Variants in DRICH1 observed in about 807,000 individuals in gnomAD.
DRICH1 encodes aspartate rich 1.
In DRICH1, 38 loss-of-function variants were observed where a neutral mutation model predicts 39.5. The ratio of observed to expected loss-of-function variants is 0.96; its 90% CI spans 0.74 to 1.26. The LOEUF is 1.26. Among genes scored for constraint, DRICH1 ranks in the 50% most tolerant of loss-of-function variants. The pLI, the probability that DRICH1 is intolerant of heterozygous loss-of-function variation, is 0.00. For synonymous variants in DRICH1, 84 were observed against 99.5 expected (o/e 0.84, Z 0.93); for missense variants, 279 against 270.4 (o/e 1.03, Z -0.22).
intron 7 of DRICH1, among the ~76,000 whole-genome samples, chr22:23,617,242 T>C (rs755315423): frequency 1.3e-5 from 2 of 152,168 alleles, no homozygotes; most frequent in Non-Finnish European, 2.9e-5. Flanking sequence ...ACAAAGAGAA[T>C]TGTGTATGTT....
intron 6 of DRICH1, among the ~76,000 whole-genome samples, chr22:23,618,944 T>TG (rs1449007913): frequency 6.6e-6 from 1 of 151,444 alleles, no homozygotes; most frequent in Non-Finnish European, 1.5e-5. Flanking sequence ...GAGGCCGAGG[T>TG]GGGGGGATCA....
chr22:23,601,144 G>GCA, the DRICH1 span, among the ~76,000 whole-genome samples: 982 of 139,662 alleles, frequency 7.0e-3, 8 homozygotes, highest in African/African-American at 0.026. Flanking sequence ...TAACGCACGC[G>GCA]CGCACACACA....
chr22:23,584,947 G>C, the DRICH1 span, among the ~76,000 whole-genome samples: 1 of 151,824 alleles, frequency 6.6e-6, no homozygotes, highest in South Asian at 2.1e-4. Context: ...TAAGTTACCA[G>C]TTTCCCTCTA....
chr22:23,622,169 A>T lies in DRICH1; in HGVS notation c.306T>A (p.Ser102=), dbSNP rs1927781785. 1.2e-6 allele frequency: 2 copies of T among 1,613,950 alleles called. No individual in the cohort carries two copies. The highest frequency in any genetic ancestry group is 2.2e-5 in the South Asian group (2 of 91,092). Residue 102 remains serine, a synonymous_variant, in exon 4 of 12, where the codon TCT becomes TCA. Transcript: ENST00000317749. ...GGCATACTAAACTCAGGTTGTCCTC[A>T]GAAGAACCTGGAAGGACACAGAGGA... The part of the protein sequence containing the change: ...KILPSPVQGS[S]EDNLSLVCLP...
the DRICH1 span, among the ~76,000 whole-genome samples, chr22:23,588,212 C>T: frequency 6.6e-6 from 1 of 152,166 alleles, no homozygotes; most frequent in South Asian, 2.1e-4. Flanking sequence ...CTGCAACCTC[C>T]GCCTCCCAGG....
At chr22:23,616,115 A>G (rs901898922) in intron 8 of DRICH1, among the ~76,000 whole-genome samples, 1 of 152,168 alleles carries the variant, frequency 6.6e-6, no homozygotes, top group Non-Finnish European at 1.5e-5. Flanking sequence ...AGACAAATGA[A>G]TGTGCTGCCA....
At position 23,617,581 on chromosome 22, in the gene DRICH1, A is replaced by T. The variant is rs766462310; in HGVS notation, c.513T>A (p.Asp171Glu). The T allele has an allele frequency of 6.3e-7, 1 of 1,578,204 alleles. No homozygotes were observed. The highest frequency in any genetic ancestry group is 8.7e-7 in the Non-Finnish European group (1 of 1,154,024). ...CAAAGAAAGGTTGTCTTACCTGGGC[A>T]TCATCATCATCATCATCACAGTCAT... ...EDDDCDDDDD[D>E]AQILPSPVQA... is the part of the protein sequence containing the mutation. The change falls in exon 7 of 12, where the codon GAT becomes GAA. Residue 171 changes from aspartate to glutamate, a missense_variant. By Grantham distance (45) the Asp-to-Glu change is conservative. Transcript: ENST00000317749.
intron 5 of DRICH1, among the ~76,000 whole-genome samples, chr22:23,619,822 G>A (rs1927610451): frequency 1.3e-5 from 2 of 152,292 alleles, no homozygotes; most frequent in African/African-American, 2.4e-5. Flanking sequence ...TCAGGGAGAT[G>A]TCTTGATACC....
chr22:23,609,768 G>C (rs953545956), intron 11 of DRICH1, among the ~76,000 whole-genome samples: 1 of 152,160 alleles, frequency 6.6e-6, no homozygotes, highest in Non-Finnish European at 1.5e-5. Flanking sequence ...TGCATCAGGG[G>C]CTGCAAGAAG....
At chr22:23,606,494 T>C (rs1018251153), downstream of DRICH1, among the ~76,000 whole-genome samples, 4 of 152,110 alleles carry the variant, frequency 2.6e-5, no homozygotes, top group African/African-American at 9.7e-5. Context: ...GCAGCTCTTT[T>C]TGGTGTGTGA....
the DRICH1 span, among the ~76,000 whole-genome samples, chr22:23,594,821 T>G: frequency 1.3e-5 from 2 of 151,590 alleles, 1 homozygote; most frequent in Admixed American, 1.4e-4. Flanking sequence ...CCAGAGATCC[T>G]CAGAGGGCTG....
At chr22:23,604,561 T>G (rs1926631209), downstream of DRICH1, among the ~76,000 whole-genome samples, 1 of 152,014 alleles carries the variant, frequency 6.6e-6, no homozygotes, top group Non-Finnish European at 1.5e-5. Context: ...ACTGAGACCC[T>G]GGTCTCAGCC....
chr22:23,630,414 TC>T (rs1569098120), intron 1 of DRICH1, among the ~76,000 whole-genome samples: 4 of 80,224 alleles, frequency 5.0e-5, no homozygotes, highest in African/African-American at 2.1e-4. Context: ...CTTTCCACAC[TC>T]TCTCTCTCTC....
chr22:23,631,607 A>C (rs1222713830), intron 1 of DRICH1, among the ~76,000 whole-genome samples: 1 of 152,030 alleles, frequency 6.6e-6, no homozygotes, highest in Non-Finnish European at 1.5e-5. Context: ...CATTGAGAAA[A>C]GGGCTCTCCC....
At position 23,632,079 on chromosome 22, in the gene DRICH1, T is replaced by G; in HGVS notation, c.-56A>C. ...TCAGCCTTCAGCGAAATTGTAACTG[T>G]GCTGCCCTAGCAGCCACACTACTGA... On this transcript the variant is annotated 5_prime_UTR_variant, in exon 1 of 12. Transcript: ENST00000317749. 10 of 1,606,848 alleles carry G rather than the reference T, an allele frequency of 6.2e-6. No homozygotes were observed. The highest frequency in any genetic ancestry group is 8.5e-6 in the Non-Finnish European group (10 of 1,177,012).
chr22:23,611,952 T>G (rs1377196264), intron 11 of DRICH1, among the ~76,000 whole-genome samples: 1 of 152,074 alleles, frequency 6.6e-6, no homozygotes, highest in Non-Finnish European at 1.5e-5. Context: ...GAGATAAAAC[T>G]AAGAGTCCGT....
chr22:23,592,240 T>C, the DRICH1 span, among the ~76,000 whole-genome samples: 9 of 151,878 alleles, frequency 5.9e-5, no homozygotes, highest in Non-Finnish European at 5.9e-5. Context: ...GCTAGCAGGG[T>C]AGAAAGCACT....
At chr22:23,631,373 G>A (rs1232164881) in intron 1 of DRICH1, among the ~76,000 whole-genome samples, 1 of 151,484 alleles carries the variant, frequency 6.6e-6, no homozygotes, top group Non-Finnish European at 1.5e-5. Flanking sequence ...CTGAGATCCC[G>A]CCACTGCACT....
intron 8 of DRICH1, among the ~76,000 whole-genome samples, chr22:23,614,607 C>T (rs1602334727): frequency 6.6e-6 from 1 of 152,290 alleles, no homozygotes; most frequent in African/African-American, 2.4e-5. Context: ...CTACATTTAG[C>T]ATCTCTTTTA....
Sources: allele counts gnomAD v4.1 joint callset (sites outside exome capture counted in the v4.1 genomes callset), GRCh38; gene constraint gnomAD v4.1.1; transcripts MANE v1.5; gene names NCBI Gene and HGNC (gene_info 2026-07-23, HGNC 2026-07-21).